The following TMEM163 variants were observed in gnomAD, a reference collection of about 807,000 sequenced individuals.
TMEM163 encodes transmembrane protein 163.
TMEM163 carries 17 observed loss-of-function variants against 29.3 expected under a neutral mutation model. That is an observed-to-expected ratio of 0.58 (90% CI 0.40 to 0.87). The LOEUF is 0.87. Among genes scored for constraint, TMEM163 ranks in the 40% least tolerant of loss-of-function variants. The pLI is 0.00. For synonymous variants in TMEM163, 157 were observed against 160.6 expected, an observed-to-expected ratio of 0.98 and a Z score of 0.17; for missense variants, 303 against 381.5, an observed-to-expected ratio of 0.79 and a Z score of 1.71.
intron 4 of TMEM163, among the ~76,000 whole-genome samples, chr2:134,515,773 A>G (rs13407622): frequency 2.0e-4 from 31 of 152,234 alleles, no homozygotes; most frequent in African/African-American, 7.5e-4. Flanking sequence ...CCAGGGGGAA[A>G]TTTTTGGAAG....
chr2:134,656,766 C>T (rs536923800), intron 2 of TMEM163, among the ~76,000 whole-genome samples: 3 of 152,228 alleles, frequency 2.0e-5, no homozygotes, highest in African/African-American at 4.8e-5. Flanking sequence ...GAGATATATC[C>T]CTTCAGTGCC....
At position 134,701,754 on chromosome 2, in the gene TMEM163, C is replaced by T. The variant is rs553381935; in HGVS notation, c.322+11446G>A. 1.2e-4 allele frequency among the ~76,000 whole-genome samples: 18 copies of T among 151,962 alleles called. 2 individuals are homozygous for T. The highest frequency in any genetic ancestry group is 4.3e-4 in the African/African-American group (18 of 41,440). On this transcript the variant is annotated intron_variant, in intron 2 of 7. Coordinates refer to ENST00000281924, the MANE Select transcript of TMEM163 (RefSeq NM_030923.5). ...CCAACACGGTAAAACCCCATCTCTACTAAAAATATAAAAATTAGCCAAGCG... is the reference window on the plus strand; with the variant it reads ...CCAACACGGTAAAACCCCATCTCTATTAAAAATATAAAAATTAGCCAAGCG...
chr2:134,665,121 T>G (rs557828341), intron 2 of TMEM163, among the ~76,000 whole-genome samples: 20 of 152,314 alleles, frequency 1.3e-4, no homozygotes, highest in Admixed American at 6.5e-4. Context: ...GATGCTTATA[T>G]TGTTGTTTGG....
chr2:134,712,096 C>T (rs1171737466), intron 2 of TMEM163, among the ~76,000 whole-genome samples: 3 of 152,164 alleles, frequency 2.0e-5, no homozygotes, highest in African/African-American at 4.8e-5. Flanking sequence ...CGGTAAAAAA[C>T]GTTTATACTC....
chr2:134,660,362 T>C (rs59196405), intron 2 of TMEM163, among the ~76,000 whole-genome samples: 1 of 151,888 alleles, frequency 6.6e-6, no homozygotes, highest in African/African-American at 2.4e-5. Flanking sequence ...GAAGGCAAGA[T>C]ATAACAGAGG....
In TMEM163 at chr2:134,647,812, AGAGCGGG is replaced by A. The variant is rs541597068; in HGVS notation, c.322+65381_322+65387del. Among the ~76,000 whole-genome samples the A allele has an allele frequency of 1.9e-4, 29 of 152,334 alleles. No homozygotes were observed. The South Asian group carries it at 6.0e-3, about 32-fold the overall frequency. On this transcript the variant is annotated intron_variant, in intron 2 of 7. Transcript: ENST00000281924. Reference sequence around the variant, plus strand: ...AGTCCCACTGTGTTCCACCCCTCACAGAGCGGGGAGCACAGGTGAGTAGGTGCAGGAG... The same window carrying A: ...AGTCCCACTGTGTTCCACCCCTCACAGAGCACAGGTGAGTAGGTGCAGGAG...
intron 4 of TMEM163, among the ~76,000 whole-genome samples, chr2:134,542,541 G>C (rs929548650): frequency 2.6e-5 from 4 of 152,150 alleles, no homozygotes; most frequent in Non-Finnish European, 5.9e-5. Context: ...TACCGCCTGG[G>C]CTCCACCTCC....
intron 2 of TMEM163, among the ~76,000 whole-genome samples, chr2:134,664,941 G>C (rs1290723916): frequency 1.3e-5 from 2 of 152,058 alleles, no homozygotes; most frequent in African/African-American, 4.8e-5. Context: ...GAGTGCAGTA[G>C]TGCAGTCTCG....
Position 134,460,077 on chromosome 2 carries a change from C to CG in TMEM163, c.668-1905_668-1904insC, listed in dbSNP as rs200484522. Among the ~76,000 whole-genome samples, 2 of 129,376 alleles carry CG rather than the reference C, an allele frequency of 1.5e-5. 1 individual carries two copies. Among genetic ancestry groups the CG allele is most frequent in the South Asian group, 6.1e-4 (2 of 3,282 alleles). 84.9% of individuals were successfully genotyped at this position (129,376 alleles called of 152,430 possible). A position where few individuals can be genotyped will look rare whatever the true frequency, so the allele number is the denominator to read the frequency against. ...CCTCGAGCCCCTTGCCAGATGTTAC[C>CG]CCCCCCCAAATTCATTCTCACTCTC... On this transcript the variant is annotated intron_variant, in intron 6 of 7. Transcript: ENST00000281924. The surrounding 1 kb of genome is among the most constrained non-coding windows in gnomAD (Gnocchi z 4.3).
At chr2:134,573,265 GTGCTGAGAA>G (rs1418548620) in intron 2 of TMEM163, among the ~76,000 whole-genome samples, 1 of 152,220 alleles carries the variant, frequency 6.6e-6, no homozygotes, top group Non-Finnish European at 1.5e-5. Flanking sequence ...AAGAACCCAA[GTGCTGAGAA>G]TGCTTCCCTA....
intron 2 of TMEM163, among the ~76,000 whole-genome samples, chr2:134,565,705 CACAA>C (rs1421253783): frequency 7.9e-5 from 12 of 151,884 alleles, no homozygotes; most frequent in Admixed American, 7.9e-4. Context: ...CTGGAAACAG[CACAA>C]ACATTGGTCA....
At chr2:134,540,524 A>G (rs1018871004) in intron 4 of TMEM163, among the ~76,000 whole-genome samples, 1 of 152,242 alleles carries the variant, frequency 6.6e-6, no homozygotes, top group East Asian at 1.9e-4. Flanking sequence ...ATTGCTAGGA[A>G]GATGCATTTC....
chr2:134,458,771 C>A (rs1434724997), intron 6 of TMEM163: 1 of 152,550 alleles, frequency 6.6e-6, no homozygotes, highest in Non-Finnish European at 1.5e-5. Context: ...CCTCCCGAGT[C>A]TCCTCTAAGT....
chr2:134,609,009 G>A (rs563689259), intron 2 of TMEM163, among the ~76,000 whole-genome samples: 10 of 98,692 alleles, frequency 1.0e-4, no homozygotes, highest in African/African-American at 4.1e-4. Context: ...GACAGACCCC[G>A]AGAACTGTGC....
chr2:134,457,926 A>G (rs1299156543), intron 7 of TMEM163, 106 bp downstream of exon 7: 9 of 1,548,792 alleles, frequency 5.8e-6, no homozygotes, highest in Non-Finnish European at 7.9e-6. Context: ...GGGCACAGGT[A>G]CAAAATATGA....
At chr2:134,527,251 A>G (rs766219052) in intron 4 of TMEM163, among the ~76,000 whole-genome samples, 2 of 152,132 alleles carry the variant, frequency 1.3e-5, no homozygotes, top group Non-Finnish European at 2.9e-5. Flanking sequence ...ACATGCTTAC[A>G]TACGTGTATG....
intron 5 of TMEM163, among the ~76,000 whole-genome samples, chr2:134,473,674 CAT>C (rs1686855951): frequency 6.6e-6 from 1 of 152,068 alleles, no homozygotes; most frequent in African/African-American, 2.4e-5. Context: ...AAAGAGGACA[CAT>C]GTTACCAATA....
chr2:134,574,215 A>G (rs1414600607), intron 2 of TMEM163, among the ~76,000 whole-genome samples: 1 of 152,240 alleles, frequency 6.6e-6, no homozygotes, highest in Non-Finnish European at 1.5e-5. Context: ...GTGCTTATAG[A>G]AGAAAAATAG....
rs570205404 is a variant in TMEM163 at position 134,691,668 on chromosome 2, A to G, written c.322+21532T>C. Among the ~76,000 whole-genome samples, 25 of 152,204 alleles carry G rather than the reference A, an allele frequency of 1.6e-4. No homozygotes were observed. The South Asian group carries it at 5.2e-3, about 32-fold the overall frequency. Reference sequence around the variant, plus strand: ...TGCTGACAGTCCCTTTCCTTCTCCAATGCTCATGCCCATCTCTTGGCAACC... The same window carrying G: ...TGCTGACAGTCCCTTTCCTTCTCCAGTGCTCATGCCCATCTCTTGGCAACC... On this transcript the variant is annotated intron_variant, in intron 2 of 7. Transcript: ENST00000281924.
Sources: gnomAD v4.1 joint callset for allele counts (sites outside exome capture counted in the v4.1 genomes callset) on GRCh38, gnomAD v4.1.1 for gene constraint, Gnocchi (gnomAD v3.1) non-coding constraint, MANE v1.5 for transcripts, NCBI Gene and HGNC (gene_info 2026-07-23, HGNC 2026-07-21) for gene names.